The following ARHGEF10L variants were observed in gnomAD, a reference collection of about 807,000 sequenced individuals.
ARHGEF10L encodes the protein Rho guanine nucleotide exchange factor 10 like.
A neutral mutation model predicts 141.2 loss-of-function variants in ARHGEF10L; 69 were observed. The ratio of observed to expected loss-of-function variants is 0.49; its 90% confidence interval spans 0.40 to 0.60. The LOEUF is 0.60. ARHGEF10L is among the 20% of genes least tolerant of loss of function. The pLI, the probability that ARHGEF10L is intolerant of heterozygous loss-of-function variation, is 0.00. For synonymous variants in ARHGEF10L, 711 were observed against 718.5 expected, an observed-to-expected ratio of 0.99 and a Z score of 0.17; for missense variants, 1,482 against 1,734.3, an observed-to-expected ratio of 0.85 and a Z score of 2.58.
rs1468367898 is a variant in ARHGEF10L, at chr1:17,619,172, C to T, written c.836-167C>T. 6.6e-6 allele frequency among the ~76,000 whole-genome samples: 1 copy of T among 152,190 alleles called. No homozygotes were observed. The highest frequency in any genetic ancestry group is 2.4e-5 in the African/African-American group (1 of 41,444). On this transcript the variant is annotated intron_variant, in intron 9 of 28. Coordinates refer to ENST00000361221, the MANE Select transcript of ARHGEF10L (RefSeq NM_018125.4). The surrounding 1 kb of genome is among the most constrained non-coding windows in gnomAD (Gnocchi z 5.0). Reference sequence around the variant, plus strand: ...AGGCCCTGGGACGTAGCAGGGAACTCCTGAGAAGGAGCTACCGGGCGGCTC... The same window carrying T: ...AGGCCCTGGGACGTAGCAGGGAACTTCTGAGAAGGAGCTACCGGGCGGCTC...
At chr1:17,694,709 C>T in intron 27 of ARHGEF10L, 1 of 347,800 alleles carries the variant, frequency 2.9e-6, no homozygotes, top group South Asian at 2.1e-5. Flanking sequence ...CCACCCGGCC[C>T]TACTTATGCC....
intron 27 of ARHGEF10L, chr1:17,689,908 CT>C (rs1234338066): frequency 2.2e-6 from 1 of 454,048 alleles, no homozygotes; most frequent in African/African-American, 2.0e-5. Flanking sequence ...AGAACAGCCA[CT>C]CCTGCCTGTA....
the ARHGEF10L span, among the ~76,000 whole-genome samples, chr1:17,527,048 C>T: frequency 2.0e-5 from 3 of 152,174 alleles, no homozygotes; most frequent in African/African-American, 7.2e-5. Flanking sequence ...TAGCCTTTTT[C>T]TCTTCTTCAT....
intron 16 of ARHGEF10L, among the ~76,000 whole-genome samples, chr1:17,633,787 C>G (rs1164856295): frequency 6.6e-6 from 1 of 152,218 alleles, no homozygotes; most frequent in African/African-American, 2.4e-5. Flanking sequence ...CAGTTCTAGG[C>G]CCTGTACCGA....
At chr1:17,653,197 C>T (rs550558710) in intron 22 of ARHGEF10L, among the ~76,000 whole-genome samples, 1 of 152,256 alleles carries the variant, frequency 6.6e-6, no homozygotes, top group East Asian at 1.9e-4. Context: ...CTGATTTGTT[C>T]AGTACCATCC....
chr1:17,580,535 C>T lies in ARHGEF10L; in HGVS notation c.-43-18C>T. The T allele has an allele frequency of 2.5e-6, 4 of 1,610,264 alleles. No individual in the cohort carries two copies. Among genetic ancestry groups the T allele is most frequent in the Non-Finnish European group, 3.4e-6 (4 of 1,176,538 alleles). Reference sequence around the variant, plus strand: ...GCCCTGACTCCAGCTAATGCGATTTCTGGTCTTCTTTCCACAGGTGTGTAG... The same window carrying T: ...GCCCTGACTCCAGCTAATGCGATTTTTGGTCTTCTTTCCACAGGTGTGTAG... On this transcript the variant is annotated intron_variant, in intron 1 of 28. Coordinates refer to ENST00000361221, the MANE Select transcript of ARHGEF10L (RefSeq NM_018125.4).
At chr1:17,631,063 G>A (rs146525301) in intron 15 of ARHGEF10L, among the ~76,000 whole-genome samples, 1 of 151,524 alleles carries the variant, frequency 6.6e-6, no homozygotes, top group Non-Finnish European at 1.5e-5. Context: ...AGAGTGATCT[G>A]TCCTTTTCTG....
At chr1:17,574,796 G>T (rs1452076593) in intron 1 of ARHGEF10L, among the ~76,000 whole-genome samples, 1 of 152,224 alleles carries the variant, frequency 6.6e-6, no homozygotes, top group Non-Finnish European at 1.5e-5. Context: ...TGCCCTGCGT[G>T]GGGGAGCCGT....
At chr1:17,530,827 C>T in the ARHGEF10L span, among the ~76,000 whole-genome samples, 3 of 151,682 alleles carry the variant, frequency 2.0e-5, no homozygotes, top group Non-Finnish European at 4.4e-5. Flanking sequence ...CCAGCCTGGC[C>T]AACATGGTGA....
chr1:17,633,875 A>C (rs993954711), intron 16 of ARHGEF10L, among the ~76,000 whole-genome samples: 1 of 152,186 alleles, frequency 6.6e-6, no homozygotes, highest in African/African-American at 2.4e-5. Flanking sequence ...GAGTCCTGGA[A>C]GGGGACAAGC....
intron 25 of ARHGEF10L, 100 bp from the exon 26 acceptor site, chr1:17,664,347 G>C: frequency 7.5e-7 from 1 of 1,337,486 alleles, no homozygotes; most frequent in Non-Finnish European, 1.0e-6. Context: ...CGGGGAGAGG[G>C]TGTGGGGGGC....
intron 4 of ARHGEF10L, among the ~76,000 whole-genome samples, chr1:17,594,347 C>G (rs1014973302): frequency 6.6e-6 from 1 of 152,096 alleles, no homozygotes; most frequent in Non-Finnish European, 1.5e-5. Flanking sequence ...CCCCAGCTGG[C>G]TTCCAGAACC....
chr1:17,658,790 G>A (rs2062431885), intron 25 of ARHGEF10L, among the ~76,000 whole-genome samples: 1 of 151,936 alleles, frequency 6.6e-6, no homozygotes, highest in Non-Finnish European at 1.5e-5. Flanking sequence ...AGGAAAGAGT[G>A]TTGTGTGAGA....
At chr1:17,554,722 T>C (rs527685910) in intron 1 of ARHGEF10L, among the ~76,000 whole-genome samples, 1 of 151,706 alleles carries the variant, frequency 6.6e-6, no homozygotes, top group Non-Finnish European at 1.5e-5. Flanking sequence ...ACCGAGTAAC[T>C]GGAGCTACAG....
intron 20 of ARHGEF10L, among the ~76,000 whole-genome samples, chr1:17,638,934 A>G (rs540606925): frequency 6.6e-6 from 1 of 152,314 alleles, no homozygotes; most frequent in South Asian, 2.1e-4. Context: ...AGCCTGGCCC[A>G]CTGTTAGGAT....
At chr1:17,664,264 A>G (rs577097779) in intron 25 of ARHGEF10L, among the ~76,000 whole-genome samples, 183 bp from the exon 26 acceptor site, 2 of 152,320 alleles carry the variant, frequency 1.3e-5, no homozygotes, top group South Asian at 2.1e-4. Flanking sequence ...GGTGTGGGAC[A>G]TGAATGGTGG....
chr1:17,525,946 G>T, the ARHGEF10L span, among the ~76,000 whole-genome samples: 1 of 149,510 alleles, frequency 6.7e-6, no homozygotes, highest in Non-Finnish European at 1.5e-5. Flanking sequence ...AGGTTGCAGT[G>T]AGCTGAGATC....
chr1:17,534,616 G>A, the ARHGEF10L span, among the ~76,000 whole-genome samples: 1 of 146,068 alleles, frequency 6.8e-6, no homozygotes, highest in Non-Finnish European at 1.5e-5. Flanking sequence ...TTGAGAAGGA[G>A]TCTTGCTCTG....
rs1379377693 is a variant in ARHGEF10L, at chr1:17,644,804, G to A, written c.2273-3750G>A. On this transcript the variant is annotated intron_variant, in intron 21 of 28. Coordinates refer to ENST00000361221, the MANE Select transcript of ARHGEF10L (RefSeq NM_018125.4). The surrounding 1 kb of genome is among the most constrained non-coding windows in gnomAD (Gnocchi z 4.5). ...AATAGCGACAGTCAGACCATGAGCA[G>A]CGAGGACAGTGACCACCATGGCTGC... Among the ~76,000 whole-genome samples, 1 of 152,200 alleles carries A rather than the reference G, an allele frequency of 6.6e-6. No homozygotes were observed. The highest frequency in any genetic ancestry group is 1.5e-5 in the Non-Finnish European group (1 of 68,048).
Sources: gnomAD v4.1 joint callset for allele counts (sites outside exome capture counted in the v4.1 genomes callset) on GRCh38, gnomAD v4.1.1 for gene constraint, Gnocchi (gnomAD v3.1) non-coding constraint, MANE v1.5 for transcripts, NCBI Gene and HGNC (gene_info 2026-07-23, HGNC 2026-07-21) for gene names.